LRP12: variants seen among roughly 807,000 people sequenced by gnomAD.
LRP12 encodes the protein LDL receptor related protein 12, also known as low-density lipoprotein receptor-related protein 12.
A neutral mutation model predicts 66.0 loss-of-function variants in LRP12; 14 were observed. That is an observed-to-expected ratio of 0.21 (90% CI 0.14 to 0.33). The LOEUF (loss-of-function observed/expected upper bound fraction) is 0.33. Among genes scored for constraint, LRP12 ranks in the 10% least tolerant of loss-of-function variants. LRP12 has a pLI of 1.00. For synonymous variants in LRP12, 357 were observed against 359.1 expected (o/e 0.99, Z 0.07); for missense variants, 889 against 1,053.4 (o/e 0.84, Z 2.16).
chr8:104,546,655 A>AT (rs1261815408), intron 1 of LRP12, among the ~76,000 whole-genome samples: 1 of 151,968 alleles, frequency 6.6e-6, no homozygotes. Flanking sequence ...AACATTAAAA[A>AT]TTGAGTTTTC....
chr8:104,490,016 G>GTA lies in LRP12; in HGVS notation c.*655_*656dup, dbSNP rs1564126841. The GTA allele has an allele frequency of 1.3e-5, 2 of 152,620 alleles. No homozygotes were observed. Among genetic ancestry groups the GTA allele is most frequent in the Non-Finnish European group, 1.5e-5 (1 of 68,028 alleles). 9.5% of individuals were successfully genotyped at this position (152,620 alleles called of 1,614,324 possible). ...ACCATTTGGTTTGTACCATGTTAGA[G>GTA]TATTAAAGTCAACATTAGAAAATCT... On this transcript the variant is annotated 3_prime_UTR_variant, in exon 7 of 7. Coordinates refer to ENST00000276654, the MANE Select transcript of LRP12 (RefSeq NM_013437.5).
intron 1 of LRP12, among the ~76,000 whole-genome samples, chr8:104,582,645 C>A (rs1054421017): frequency 2.6e-5 from 4 of 152,176 alleles, no homozygotes; most frequent in Admixed American, 1.3e-4. Context: ...GCCCTCAGAA[C>A]TGAGTTCTCC....
chr8:104,522,966 G>C (rs566610836), intron 2 of LRP12, among the ~76,000 whole-genome samples: 2 of 152,226 alleles, frequency 1.3e-5, no homozygotes, highest in Non-Finnish European at 2.9e-5. Flanking sequence ...AGACAACTGT[G>C]TAAATTAGTA....
At chr8:104,514,801 TTGG>T (rs1811053726) in intron 2 of LRP12, among the ~76,000 whole-genome samples, 1 of 152,150 alleles carries the variant, frequency 6.6e-6, no homozygotes, top group African/African-American at 2.4e-5. Context: ...TGCAATTATT[TTGG>T]TAAAAGACAT....
chr8:104,492,700 G>A (rs1049438815), intron 6 of LRP12, among the ~76,000 whole-genome samples: 1 of 152,046 alleles, frequency 6.6e-6, no homozygotes, highest in Non-Finnish European at 1.5e-5. Flanking sequence ...CATAATTTAT[G>A]ATAAGAAGCT....
intron 1 of LRP12, among the ~76,000 whole-genome samples, chr8:104,548,607 TAATTA>T (rs1341324465): frequency 9.0e-6 from 1 of 110,958 alleles, no homozygotes. Flanking sequence ...TAGAATTATA[TAATTA>T]AATTAATTAT....
chr8:104,548,396 T>A (rs1226730993), intron 1 of LRP12, among the ~76,000 whole-genome samples: 1 of 94,988 alleles, frequency 1.1e-5, no homozygotes, highest in Non-Finnish European at 1.8e-5. Flanking sequence ...ATAATATATA[T>A]TATATAAATA....
chr8:104,548,200 ATGATATATTTATAT>A (rs1811640195), intron 1 of LRP12, among the ~76,000 whole-genome samples: 2 of 88,792 alleles, frequency 2.3e-5, no homozygotes, highest in African/African-American at 1.2e-4. Flanking sequence ...ATATAAATAT[ATGATATATTTATAT>A]TAATATATGA....
intron 1 of LRP12, among the ~76,000 whole-genome samples, chr8:104,555,377 A>T (rs1811790352): frequency 6.6e-6 from 1 of 152,202 alleles, no homozygotes; most frequent in African/African-American, 2.4e-5. Context: ...ATAAAATGCC[A>T]GAATAGATAA....
chr8:104,497,236 C>A lies in LRP12; in HGVS notation c.1316G>T (p.Cys439Phe). ...RSDRCNYQNHCPNGSDEKNCF... is the reference protein window; with the variant it reads ...RSDRCNYQNHFPNGSDEKNCF... ...GTTTTTTTCATCTGAGCCATTTGGG[C>A]AATGATTCTGGTAGTTGCAGCGATC... Residue 439 changes from cysteine (C) to phenylalanine (F), a missense_variant, in exon 5 of 7, where the codon TGC (cysteine) becomes TTC (phenylalanine). Coordinates refer to ENST00000276654, the MANE Select transcript of LRP12 (RefSeq NM_013437.5). This position sits in a 1 kb window ranked among gnomAD's most constrained non-coding sequence, Gnocchi z 4.3. 1.2e-6 allele frequency: 2 copies of A among 1,613,694 alleles called. No homozygotes were observed. The highest frequency in any genetic ancestry group is 2.2e-5 in the South Asian group (2 of 90,944).
intron 1 of LRP12, among the ~76,000 whole-genome samples, chr8:104,587,756 C>G (rs372504049): frequency 1.3e-5 from 2 of 152,136 alleles, no homozygotes; most frequent in Non-Finnish European, 2.9e-5. Context: ...TTATACTAGT[C>G]AAATCAATGT....
rs530437253 is a variant in LRP12, at chr8:104,498,072, T to C, written c.480A>G (p.Lys160=). The change falls in exon 5 of 7, where the codon AAA becomes AAG. Residue 160 remains lysine (K), a synonymous_variant. Coordinates refer to ENST00000276654, the MANE Select transcript of LRP12 (RefSeq NM_013437.5). ...CACAAGCACAATTTGGTTCCTCAGA[T>C]TTCCCTGTGAAGATGTGAGTAGAAA... is the stretch of plus-strand genomic sequence containing the variant. ...KGFRLAYFSG[K]SEEPNCACDQ... 1.3e-6 allele frequency: 2 copies of C among 1,586,260 alleles called. No homozygotes were observed. The highest frequency in any genetic ancestry group is 1.8e-5 in the Admixed American group (1 of 57,108).
chr8:104,490,523 T>A lies in LRP12; in HGVS notation c.*150A>T. On this transcript the variant is annotated 3_prime_UTR_variant, in exon 7 of 7. Transcript: ENST00000276654. The stretch of plus-strand genomic sequence containing the variant: ...TCTAAGTTCATAGAGTTACAAGTTG[T>A]CGAATTTAACCATGCAGGCTAACAT... 3 of 819,778 alleles carry A rather than the reference T, an allele frequency of 3.7e-6. No individual in the cohort carries two copies. Among genetic ancestry groups the A allele is most frequent in the South Asian group, 4.0e-5 (2 of 50,304 alleles). The allele number at this position is 819,778 out of a possible 1,614,324, so 50.8% of individuals were successfully genotyped here.
In LRP12 at chr8:104,548,355, T is replaced by C. The variant is rs1203421362; in HGVS notation, c.80-16392A>G. Among the ~76,000 whole-genome samples the C allele has an allele frequency of 1.6e-4, 9 of 56,030 alleles. 1 individual carries two copies. The highest frequency in any genetic ancestry group is 2.9e-4 in the Admixed American group (1 of 3,508). 36.8% of individuals were successfully genotyped at this position (56,030 alleles called of 152,430 possible). The stretch of plus-strand genomic sequence containing the variant: ...ATTATATAAATATATAAATATATAA[T>C]ATATATTATATAAATATATTATATA... On this transcript the variant is annotated intron_variant, in intron 1 of 6. Transcript: ENST00000276654.
At chr8:104,542,959 A>C (rs1811500086) in intron 1 of LRP12, among the ~76,000 whole-genome samples, 1 of 150,986 alleles carries the variant, frequency 6.6e-6, no homozygotes, top group Non-Finnish European at 1.5e-5. Flanking sequence ...AAGTTTGTGA[A>C]AGACATATTT....
At chr8:104,509,196 G>A in intron 2 of LRP12, 122 bp from the exon 3 acceptor site, 1 of 724,720 alleles carries the variant, frequency 1.4e-6, no homozygotes. Flanking sequence ...AATAAGATAT[G>A]GTAGTATCAA....
At chr8:104,588,759 CG>C in intron 1 of LRP12, 59 bp downstream of exon 1, 3 of 1,524,154 alleles carry the variant, frequency 2.0e-6, no homozygotes, top group Admixed American at 1.9e-5. Flanking sequence ...CTGGAGGCCT[CG>C]GGGCCCGGGT....
intron 1 of LRP12, among the ~76,000 whole-genome samples, chr8:104,543,922 A>T (rs1416292029): frequency 6.6e-6 from 1 of 152,154 alleles, no homozygotes; most frequent in East Asian, 1.9e-4. Context: ...ACTCCATCTC[A>T]AAACAAAACA....
chr8:104,521,198 A>T (rs1194864129), intron 2 of LRP12, among the ~76,000 whole-genome samples: 1 of 151,902 alleles, frequency 6.6e-6, no homozygotes, highest in Non-Finnish European at 1.5e-5. Context: ...AAAACCAAAA[A>T]TCTGAAGTGT....
Sources: gnomAD v4.1 joint callset for allele counts (sites outside exome capture counted in the v4.1 genomes callset) on GRCh38, gnomAD v4.1.1 for gene constraint, Gnocchi (gnomAD v3.1) non-coding constraint, MANE v1.5 for transcripts, NCBI Gene and HGNC (gene_info 2026-07-23, HGNC 2026-07-21) for gene names.